The following PARP14 variants were observed in gnomAD, a reference collection of about 807,000 sequenced individuals.
PARP14 encodes poly(ADP-ribose) polymerase family member 14.
PARP14 carries 59 observed loss-of-function variants against 154.2 expected under a neutral mutation model. The observed-to-expected ratio is 0.38, with a 90% CI of 0.31 to 0.48. PARP14 has a LOEUF of 0.48. Among genes scored for constraint, PARP14 ranks in the 20% least tolerant of loss-of-function variants. The pLI is 0.98. For missense variants in PARP14, 1,734 were observed against 2,131.6 expected, an observed-to-expected ratio of 0.81 and a Z score of 3.67; for synonymous variants, 720 against 780.5, an observed-to-expected ratio of 0.92 and a Z score of 1.29.
Position 122,700,418 on chromosome 3 carries a change from C to T in PARP14, c.1864C>T (p.Leu622Phe). The change falls in exon 6 of 17, where the codon CTT (leucine) becomes TTT (phenylalanine). Residue 622 changes from leucine to phenylalanine, a missense_variant. Transcript: ENST00000474629. ...KKWKGLTHNL[L>F]KKQNSSPNTV... ...ATGGAAAGGGCTCACTCACAATTTGCTTAAGAAACAAAATTCCTCCCCAAA... is the reference window on the plus strand; with the variant it reads ...ATGGAAAGGGCTCACTCACAATTTGTTTAAGAAACAAAATTCCTCCCCAAA... The T allele has an allele frequency of 6.2e-7, 1 of 1,613,622 alleles. No individual in the cohort carries two copies. Among genetic ancestry groups the T allele is most frequent in the Admixed American group, 1.7e-5 (1 of 59,980 alleles).
At chr3:122,720,222 G>A in intron 14 of PARP14, 33 bp from the exon 15 acceptor site, 1 of 1,603,404 alleles carries the variant, frequency 6.2e-7, no homozygotes, top group Admixed American at 1.7e-5. Context: ...TACCGGGGAT[G>A]TATGAGGGCA....
rs947190892 is a variant in PARP14, at chr3:122,718,726, A to G, written c.4575A>G (p.Glu1525=). 6.2e-6 allele frequency: 10 copies of G among 1,612,432 alleles called. No individual in the cohort carries two copies. The highest frequency in any genetic ancestry group is 8.5e-6 in the Non-Finnish European group (10 of 1,178,822). The part of the protein sequence containing the change: ...IKRVRLAKEQ[E]SRADCISEFI... ...GAGTTCGATTGGCCAAAGAACAGGAATCCCGGGCAGATTGTATCAGTGAGT... is the reference window on the plus strand; with the variant it reads ...GAGTTCGATTGGCCAAAGAACAGGAGTCCCGGGCAGATTGTATCAGTGAGT... Residue 1525 remains glutamate (E), a synonymous_variant, in exon 14 of 17, where the codon GAA becomes GAG. Transcript: ENST00000474629.
intron 3 of PARP14, among the ~76,000 whole-genome samples, chr3:122,690,414 AGT>A (rs1938501871): frequency 6.6e-6 from 1 of 152,182 alleles, no homozygotes; most frequent in Non-Finnish European, 1.5e-5. Context: ...ATTTAGCATG[AGT>A]GTGTGTGCAT....
chr3:122,704,481 C>T, intron 7 of PARP14, 46 bp from the exon 8 acceptor site: 1 of 1,223,182 alleles, frequency 8.2e-7, no homozygotes. Flanking sequence ...TGTTCTAACT[C>T]CCATTTCTAG....
intron 8 of PARP14, among the ~76,000 whole-genome samples, chr3:122,706,537 C>T (rs1939156396): frequency 6.6e-6 from 1 of 152,182 alleles, no homozygotes; most frequent in Non-Finnish European, 1.5e-5. Flanking sequence ...GCACATTAAA[C>T]ATGGCTTCCT....
At position 122,695,736 on chromosome 3, in the gene PARP14, G is replaced by A. The variant is rs1938752155; in HGVS notation, c.835+74G>A. The A allele has an allele frequency of 1.0e-5, 7 of 682,744 alleles. No homozygotes were observed. In the South Asian group the frequency reaches 1.3e-4, roughly 13 times the overall value. 42.3% of individuals were successfully genotyped at this position (682,744 alleles called of 1,614,324 possible). ...GCAGAGCTTAATAGTTATAAATTTA[G>A]TTCTGATGTGTTTTATTTGTTTATT... On this transcript the variant is annotated intron_variant, in intron 5 of 16. Transcript: ENST00000474629.
Position 122,695,438 on chromosome 3 carries a change from T to C in PARP14, c.611T>C (p.Phe204Ser). Residue 204 changes from phenylalanine to serine, a missense_variant, in exon 5 of 17, where the codon TTT becomes TCT. Physicochemically the swap from Phe to Ser is radical, Grantham distance 155. This residue lies in a region of PARP14 where 1,646 missense variants were observed against 1,976.0 expected (regional missense o/e 0.83). Coordinates refer to ENST00000474629, the MANE Select transcript of PARP14 (RefSeq NM_017554.3). ...TFQKHIDTIRFVDDCTKHHSI... is the reference protein window; with the variant it reads ...TFQKHIDTIRSVDDCTKHHSI... ...TTTTGGTTTGTAGATACTATAAGAT[T>C]TGTTGATGATTGTACCAAGCACCAT... is the stretch of plus-strand genomic sequence containing the variant. 6.4e-7 allele frequency: 1 copy of C among 1,555,432 alleles called. No individual in the cohort carries two copies. Among genetic ancestry groups the C allele is most frequent in the African/African-American group, 1.4e-5 (1 of 73,910 alleles).
intron 15 of PARP14, 163 bp downstream of exon 15, chr3:122,720,551 T>C: frequency 2.9e-6 from 2 of 683,492 alleles, no homozygotes. Context: ...GTGACCATAA[T>C]TACTGAGGCA....
chr3:122,690,551 G>A (rs1011834877), intron 3 of PARP14, among the ~76,000 whole-genome samples: 22 of 152,034 alleles, frequency 1.4e-4, no homozygotes, highest in African/African-American at 5.3e-4. Context: ...AGACGGAATC[G>A]CCCAGACTGG....
At chr3:122,690,804 G>A (rs185065912) in intron 3 of PARP14, among the ~76,000 whole-genome samples, 3 of 152,170 alleles carry the variant, frequency 2.0e-5, no homozygotes, top group African/African-American at 7.2e-5. Context: ...GAGCCACTGC[G>A]CCTGGCCACA....
chr3:122,689,409 A>T (rs1487262164), intron 3 of PARP14, among the ~76,000 whole-genome samples: 6 of 152,140 alleles, frequency 3.9e-5, no homozygotes, highest in Non-Finnish European at 8.8e-5. Flanking sequence ...TGGCTCAAGC[A>T]ATCCTCCCAC....
At chr3:122,686,344 G>A (rs375952677) in intron 2 of PARP14, among the ~76,000 whole-genome samples, 13 of 151,592 alleles carry the variant, frequency 8.6e-5, no homozygotes, top group East Asian at 7.8e-4. Context: ...TTGTAGAGTC[G>A]GGGTTTTACC....
chr3:122,695,375 A>C (rs567562116), intron 4 of PARP14, 51 bp from the exon 5 acceptor site: 1 of 908,290 alleles, frequency 1.1e-6, no homozygotes, highest in African/African-American at 1.7e-5. Context: ...TACAACATAA[A>C]GATACAATAA....
At chr3:122,689,997 A>G (rs1294294897) in intron 3 of PARP14, among the ~76,000 whole-genome samples, 1 of 152,004 alleles carries the variant, frequency 6.6e-6, no homozygotes, top group African/African-American at 2.4e-5. Context: ...CCTCTAGCCC[A>G]CTTTTCTCTA....
chr3:122,694,028 A>G (rs1480781094), intron 4 of PARP14, among the ~76,000 whole-genome samples: 2 of 152,226 alleles, frequency 1.3e-5, no homozygotes, highest in African/African-American at 2.4e-5. Flanking sequence ...AATATGTGCC[A>G]GGCACTGGTC....
intron 9 of PARP14, among the ~76,000 whole-genome samples, chr3:122,712,088 A>G (rs1333441359): frequency 1.3e-5 from 2 of 152,010 alleles, no homozygotes; most frequent in African/African-American, 4.8e-5. Context: ...TCTTTTTAAA[A>G]TAGTTTCTAT....
chr3:122,720,952 A>C (rs1304053913), intron 15 of PARP14: 1 of 349,920 alleles, frequency 2.9e-6, no homozygotes, highest in Non-Finnish European at 5.7e-6. Context: ...AAATAAAAAC[A>C]ACCAATTATT....
intron 4 of PARP14, among the ~76,000 whole-genome samples, chr3:122,694,468 A>G (rs538858014): frequency 3.9e-5 from 6 of 152,140 alleles, no homozygotes; most frequent in African/African-American, 1.2e-4. Context: ...AAGATTTGTT[A>G]TATTTATTTC....
At chr3:122,707,416 T>TAAATAAATAAAG (rs1447490316) in intron 8 of PARP14, among the ~76,000 whole-genome samples, 3 of 151,334 alleles carry the variant, frequency 2.0e-5, no homozygotes, top group Non-Finnish European at 2.9e-5. Context: ...AATAAATAAA[T>TAAATAAATAAAG]AAAGGATTGT....
Sources: gnomAD v4.1 joint callset for allele counts (sites outside exome capture counted in the v4.1 genomes callset) on GRCh38, gnomAD v4.1.1 for gene constraint, gnomAD v4.1.1 regional missense constraint, MANE v1.5 for transcripts, NCBI Gene and HGNC (gene_info 2026-07-23, HGNC 2026-07-21) for gene names.